The following PBK variants were observed in gnomAD, a reference collection of about 807,000 sequenced individuals.
The protein encoded by PBK is PDZ binding kinase, also known as lymphokine-activated killer T-cell-originated protein kinase.
Under a neutral mutation model 33.5 loss-of-function variants are expected in PBK, and 22 were observed. The ratio of observed to expected loss-of-function variants is 0.66; its 90% CI spans 0.47 to 0.94. PBK has a LOEUF of 0.94. PBK is among the 40% of genes least tolerant of loss of function. The pLI is 0.00. For missense variants in PBK, 376 were observed against 383.4 expected (o/e 0.98, Z 0.16); for synonymous variants, 129 against 123.8 (o/e 1.04, Z -0.28).
At chr8:27,835,225 G>C (rs996811458) in intron 1 of PBK, among the ~76,000 whole-genome samples, 3 of 152,208 alleles carry the variant, frequency 2.0e-5, no homozygotes, top group African/African-American at 7.2e-5. Context: ...TTAATGACAA[G>C]CTTGTTCATC....
intron 3 of PBK, among the ~76,000 whole-genome samples, chr8:27,823,633 T>C (rs1358423693): frequency 6.6e-6 from 1 of 152,062 alleles, no homozygotes; most frequent in Admixed American, 6.5e-5. Flanking sequence ...TTTACCCATA[T>C]ATCATCATCC....
At chr8:27,833,191 C>A in intron 1 of PBK, 58 bp from the exon 2 acceptor site, 1 of 946,104 alleles carries the variant, frequency 1.1e-6, no homozygotes, top group Non-Finnish European at 1.6e-6. Context: ...AACTCTCATT[C>A]ATGAAGAAAA....
At chr8:27,824,997 A>G (rs908656151) in intron 3 of PBK, among the ~76,000 whole-genome samples, 15 of 150,168 alleles carry the variant, frequency 1.0e-4, no homozygotes, top group African/African-American at 3.5e-4. Flanking sequence ...CAAGCCCACT[A>G]ACATAATAGC....
rs780573331 is a variant in PBK, at chr8:27,823,206, C to T, written c.153-1G>A. On this transcript the variant is annotated splice_acceptor_variant, in intron 3 of 7. Transcript: ENST00000301905. LOFTEE classifies it high-confidence loss of function. ...AGAATGAGACAAACCTCTTGGAGAT[C>T]TAAGAAAAAAATTCATTTAAAAAGG... 1.1e-5 allele frequency: 16 copies of T among 1,485,584 alleles called. No homozygotes were observed. Among genetic ancestry groups the T allele is most frequent in the Non-Finnish European group, 1.5e-5 (16 of 1,094,042 alleles). 92.0% of individuals were successfully genotyped at this position (1,485,584 alleles called of 1,614,324 possible).
At chr8:27,836,627 G>A (rs1305803455) in intron 1 of PBK, among the ~76,000 whole-genome samples, 1 of 152,100 alleles carries the variant, frequency 6.6e-6, no homozygotes, top group Non-Finnish European at 1.5e-5. Context: ...AAAGTAGGAT[G>A]CAGAAAACCC....
In PBK at chr8:27,810,500, A is replaced by T; in HGVS notation, c.774T>A (p.Asp258Glu). 6.3e-7 allele frequency: 1 copy of T among 1,587,298 alleles called. No individual in the cohort carries two copies. The highest frequency in any genetic ancestry group is 8.6e-7 in the Non-Finnish European group (1 of 1,159,436). ...CAAAATCACTTTCATCAAAAGTTTT[A>T]TCTTGAAGGAGTTAGAGATTGAAAC... ...INLSNDDDDE[D>E]KTFDESDFDD... The change falls in exon 8 of 8, where the codon GAT (aspartate) becomes GAA (glutamate). Residue 258 changes from aspartate to glutamate, a missense_variant and splice_region_variant. Coordinates refer to ENST00000301905, the MANE Select transcript of PBK (RefSeq NM_018492.4).
chr8:27,814,173 A>C (rs905140455), intron 6 of PBK, among the ~76,000 whole-genome samples: 1 of 152,148 alleles, frequency 6.6e-6, no homozygotes, highest in Non-Finnish European at 1.5e-5. Flanking sequence ...TCAACAGTAA[A>C]ACATCTGGGT....
At chr8:27,822,986 C>T in intron 4 of PBK, 77 bp downstream of exon 4, 1 of 871,734 alleles carries the variant, frequency 1.1e-6, no homozygotes, top group Non-Finnish European at 1.8e-6. Context: ...ATTAGTGAAA[C>T]CAGTTAAGAG....
In PBK at chr8:27,820,638, T is replaced by TACA; in HGVS notation, c.519_521dup (p.Val174dup). On this transcript the variant is annotated inframe_insertion, in exon 6 of 8. Coordinates refer to ENST00000301905, the MANE Select transcript of PBK (RefSeq NM_018492.4). ...TAATTGTTTCAAAATCGCCTTTAAT[T>TACA]ACAACATTTGAAGACTTTATGTCTC... 2 of 1,564,916 alleles carry TACA rather than the reference T, an allele frequency of 1.3e-6. No individual in the cohort carries two copies. The highest frequency in any genetic ancestry group is 1.8e-6 in the Non-Finnish European group (2 of 1,137,432).
rs1193740384 is a variant in PBK at position 27,826,791 on chromosome 8, G to A, written c.152+1314C>T. ...AGCCTGGGCGACAGAGCGAGACTCC[G>A]TCTCAAAAAAAAAAAAAAAAAAAAA... is the stretch of plus-strand genomic sequence containing the variant. On this transcript the variant is annotated intron_variant, in intron 3 of 7. Coordinates refer to ENST00000301905, the MANE Select transcript of PBK (RefSeq NM_018492.4). 6.2e-5 allele frequency among the ~76,000 whole-genome samples: 7 copies of A among 113,022 alleles called. 1 individual carries two copies. In the East Asian group the frequency reaches 9.8e-4, roughly 16 times the overall value. The allele number at this position is 113,022 out of a possible 152,430, so 74.1% of individuals were successfully genotyped here. A position where few individuals can be genotyped will look rare whatever the true frequency, so the allele number is the denominator to read the frequency against.
intron 2 of PBK, among the ~76,000 whole-genome samples, chr8:27,830,313 C>CAG (rs140239688): frequency 0.16 from 23,048 of 147,292 alleles, 2,218 homozygotes; most frequent in East Asian, 0.37. Flanking sequence ...CTGAGCATAA[C>CAG]GGAAAAAAAA....
chr8:27,813,481 T>C (rs1215882057), intron 6 of PBK, among the ~76,000 whole-genome samples: 1 of 152,194 alleles, frequency 6.6e-6, no homozygotes, highest in Non-Finnish European at 1.5e-5. Flanking sequence ...GTGAATTTTA[T>C]TGACTCCTCC....
intron 5 of PBK, among the ~76,000 whole-genome samples, chr8:27,821,922 C>T (rs2128963520): frequency 6.6e-6 from 1 of 152,226 alleles, no homozygotes; most frequent in South Asian, 2.1e-4. Flanking sequence ...TATGTTTAGT[C>T]ACACAGTACT....
chr8:27,831,201 A>C (rs1806122618), intron 2 of PBK, among the ~76,000 whole-genome samples: 1 of 152,056 alleles, frequency 6.6e-6, no homozygotes, highest in Non-Finnish European at 1.5e-5. Flanking sequence ...GAAAATACAA[A>C]AATTAGCCGG....
chr8:27,811,482 C>G (rs1288309110), intron 6 of PBK: 15 of 400,524 alleles, frequency 3.7e-5, no homozygotes, highest in Admixed American at 2.0e-4. Flanking sequence ...TTGAGCAGAT[C>G]ACTTCTAGAC....
In PBK at chr8:27,816,017, A is replaced by G. The variant is rs144331128; in HGVS notation, c.595+4548T>C. Among the ~76,000 whole-genome samples the G allele has an allele frequency of 7.4e-3, 1,129 of 152,292 alleles. 13 individuals are homozygous for G. Among genetic ancestry groups the G allele is most frequent in the African/African-American group, 0.026 (1,071 of 41,550 alleles). ...GAGTTTAAGCAGACATGCTTTAGTT[A>G]CTATCCCAAACTGAAAAATGATGAA... is the stretch of plus-strand genomic sequence containing the variant. On this transcript the variant is annotated intron_variant, in intron 6 of 7. Transcript: ENST00000301905.
chr8:27,811,252 A>T, intron 6 of PBK, 118 bp from the exon 7 acceptor site: 1 of 812,380 alleles, frequency 1.2e-6, no homozygotes, highest in Non-Finnish European at 2.0e-6. Flanking sequence ...CAGTGTAGCC[A>T]GAAAATGTAA....
chr8:27,821,422 C>T (rs762999417), intron 5 of PBK, among the ~76,000 whole-genome samples: 33 of 151,990 alleles, frequency 2.2e-4, no homozygotes, highest in Non-Finnish European at 3.2e-4. Context: ...CCACCATGCC[C>T]GGCTCATTTT....
At chr8:27,814,675 T>C (rs1206180969) in intron 6 of PBK, among the ~76,000 whole-genome samples, 1 of 152,314 alleles carries the variant, frequency 6.6e-6, no homozygotes, top group East Asian at 1.9e-4. Context: ...GCTTTAGCTA[T>C]TGCTTGCACA....
Sources: allele counts gnomAD v4.1 joint callset (sites outside exome capture counted in the v4.1 genomes callset), GRCh38; gene constraint gnomAD v4.1.1; transcripts MANE v1.5; gene names NCBI Gene and HGNC (gene_info 2026-07-23, HGNC 2026-07-21).